GUCY2F: variants seen among roughly 807,000 people sequenced by gnomAD.
The protein encoded by GUCY2F is retinal guanylyl cyclase 2.
Under a neutral mutation model 73.1 loss-of-function variants are expected in GUCY2F, and 61 were observed. The ratio of observed to expected loss-of-function variants is 0.83; its 90% CI spans 0.68 to 1.03. The LOEUF (loss-of-function observed/expected upper bound fraction) is 1.03. Among genes scored for constraint, GUCY2F ranks in the 50% least tolerant of loss-of-function variants. GUCY2F has a pLI of 0.00. For synonymous variants in GUCY2F, 331 were observed against 307.8 expected (o/e 1.08, Z -0.79); for missense variants, 912 against 854.3 (o/e 1.07, Z -0.84).
At position 109,475,428 on chromosome X, in the gene GUCY2F, G is replaced by A. The variant is rs773022970; in HGVS notation, c.509C>T (p.Pro170Leu). 3 of 1,211,014 alleles carry A rather than the reference G, an allele frequency of 2.5e-6. No homozygotes were observed. Among genetic ancestry groups the A allele is most frequent in the Non-Finnish European group, 3.4e-6 (3 of 894,682 alleles). Residue 170 changes from proline (P) to leucine (L), a missense_variant, in exon 2 of 20, where the codon CCT becomes CTT. Physicochemically the swap from Pro to Leu is moderately conservative, Grantham distance 98. Transcript: ENST00000218006. ...AGTTACAAGCACCCGGATGGGAGAA[G>A]GGAGTGTCCGAGAAAAGGTCGGGTA... ...ISYPTFSRTL[P>L]SPIRVLVTVM... is the part of the protein sequence containing the mutation.
intron 15 of GUCY2F, among the ~76,000 whole-genome samples, chrX:109,386,096 C>A (rs920284825): frequency 1.8e-5 from 2 of 111,493 alleles, no homozygotes; most frequent in African/African-American, 6.5e-5. Context: ...GCCACCATGC[C>A]TGGCCTTCTG....
intron 15 of GUCY2F, 50 bp from the exon 16 acceptor site, chrX:109,385,332 T>G (rs370290289): frequency 1.3e-4 from 79 of 619,513 alleles, no homozygotes; most frequent in Non-Finnish European, 1.8e-4. Context: ...ATGCACCCAA[T>G]GCTAATAGAG....
chrX:109,452,876 A>T (rs1321059288), intron 4 of GUCY2F, among the ~76,000 whole-genome samples: 2 of 111,789 alleles, frequency 1.8e-5, no homozygotes, highest in Non-Finnish European at 3.8e-5. Flanking sequence ...TCCACCAGTC[A>T]ATCAAACTGC....
chrX:109,410,134 T>G (rs766143863), intron 8 of GUCY2F, among the ~76,000 whole-genome samples: 16 of 112,125 alleles, frequency 1.4e-4, no homozygotes, highest in Non-Finnish European at 2.8e-4. Context: ...TCTACAGAAC[T>G]GTGGGATAAT....
chrX:109,397,654 C>G (rs1173074257), intron 11 of GUCY2F, among the ~76,000 whole-genome samples: 4 of 111,272 alleles, frequency 3.6e-5, no homozygotes, highest in Non-Finnish European at 7.5e-5. Flanking sequence ...TTCCACAATC[C>G]AATTCAAGAT....
chrX:109,427,347 G>A (rs907980722), intron 8 of GUCY2F, among the ~76,000 whole-genome samples: 1 of 112,106 alleles, frequency 8.9e-6, no homozygotes, highest in African/African-American at 3.2e-5. Flanking sequence ...AGGAGTACAG[G>A]GAATATGCCA....
rs754520281 is a variant in GUCY2F at position 109,388,748 on chromosome X, G to A, written c.2782-85C>T. ...AGCTGTAAGGGTATAATGGAGGCCA[G>A]GTGGTCTTGTTGTAAAGTGAGAAAG... On this transcript the variant is annotated intron_variant, in intron 14 of 19. Coordinates refer to ENST00000218006, the MANE Select transcript of GUCY2F (RefSeq NM_001522.3). The A allele has an allele frequency of 1.1e-4, 64 of 596,171 alleles. No homozygotes were observed. In the African/African-American group the frequency reaches 1.2e-3, roughly 11 times the overall value. The allele number at this position is 596,171 out of a possible 1,213,427, so 49.1% of individuals were successfully genotyped here.
At chrX:109,476,424 T>C (rs1932696764) in intron 1 of GUCY2F, among the ~76,000 whole-genome samples, 1 of 112,234 alleles carries the variant, frequency 8.9e-6, no homozygotes, top group African/African-American at 3.2e-5. Flanking sequence ...ATCATTATTA[T>C]AGTTTTCAAT....
Position 109,441,472 on chromosome X carries a change from C to T in GUCY2F, c.1580G>A (p.Arg527His), listed in dbSNP as rs370550054. Reference protein sequence around the residue: ...NPHFGSKRGSRASVSFQITSE... With the variant: ...NPHFGSKRGSHASVSFQITSE... Reference sequence around the variant, plus strand: ...GGTAATCTGGAAGCTTACACTGGCACGACTTCCTCTCTGTGAAAGGATTAG... The same window carrying T: ...GGTAATCTGGAAGCTTACACTGGCATGACTTCCTCTCTGTGAAAGGATTAG... Residue 527 changes from arginine to histidine, a missense_variant, in exon 7 of 20, where the codon CGT (arginine) becomes CAT (histidine). Transcript: ENST00000218006. The T allele has an allele frequency of 4.5e-5, 53 of 1,172,451 alleles. No homozygotes were observed. Among genetic ancestry groups the T allele is most frequent in the South Asian group, 3.9e-4 (19 of 48,838 alleles).
intron 18 of GUCY2F, 32 bp from the exon 19 acceptor site, chrX:109,376,018 T>G (rs759896875): frequency 1.7e-6 from 2 of 1,168,592 alleles, no homozygotes; most frequent in East Asian, 3.0e-5. Flanking sequence ...AAATAGGTAG[T>G]GAAGAAAGTG....
chrX:109,437,516 C>T (rs924662317), intron 7 of GUCY2F, among the ~76,000 whole-genome samples: 1 of 112,690 alleles, frequency 8.9e-6, no homozygotes, highest in African/African-American at 3.2e-5. Flanking sequence ...CAATTTAACA[C>T]ATAAATTATT....
chrX:109,430,963 TTTTA>T (rs1299960537), intron 7 of GUCY2F, among the ~76,000 whole-genome samples: 2 of 111,609 alleles, frequency 1.8e-5, no homozygotes, highest in Admixed American at 9.5e-5. Flanking sequence ...ATTAAATATT[TTTTA>T]TTTGAGTGCT....
chrX:109,379,849 G>T (rs1449657345), intron 17 of GUCY2F, among the ~76,000 whole-genome samples: 1 of 112,296 alleles, frequency 8.9e-6, no homozygotes, highest in Non-Finnish European at 1.9e-5. Flanking sequence ...GCTTGAAGTG[G>T]GCAATGGGCA....
intron 11 of GUCY2F, 46 bp from the exon 12 acceptor site, chrX:109,395,535 T>A: frequency 9.0e-7 from 1 of 1,115,176 alleles, no homozygotes; most frequent in Non-Finnish European, 1.2e-6. Context: ...ATGGAAAAAA[T>A]GACCAAGATT....
intron 5 of GUCY2F, 65 bp downstream of exon 5, chrX:109,451,958 A>C: frequency 1.6e-6 from 1 of 610,534 alleles, no homozygotes; most frequent in Non-Finnish European, 2.8e-6. Flanking sequence ...ACTTCCTGGA[A>C]ATCAGTATTA....
At chrX:109,464,292 C>A (rs892412877) in intron 3 of GUCY2F, among the ~76,000 whole-genome samples, 1 of 111,870 alleles carries the variant, frequency 8.9e-6, no homozygotes, top group Non-Finnish European at 1.9e-5. Flanking sequence ...CTCCTCACTC[C>A]TTTTTCTTTC....
At position 109,430,167 on chromosome X, in the gene GUCY2F, G is replaced by C. The variant is rs991871220; in HGVS notation, c.1791+140C>G. On this transcript the variant is annotated intron_variant, in intron 8 of 19. Coordinates refer to ENST00000218006, the MANE Select transcript of GUCY2F (RefSeq NM_001522.3). ...ACATACCTTTGCCATTGCATGATAT[G>C]ATCATACCAACCCATTAGCAACCCT... The C allele has an allele frequency of 8.3e-6, 4 of 484,437 alleles. No individual in the cohort carries two copies. In the Admixed American group the frequency reaches 1.3e-4, roughly 15 times the overall value. The allele number at this position is 484,437 out of a possible 1,213,427, so 39.9% of individuals were successfully genotyped here.
chrX:109,401,371 C>T (rs1930835771), intron 10 of GUCY2F, among the ~76,000 whole-genome samples: 2 of 111,837 alleles, frequency 1.8e-5, no homozygotes, highest in Admixed American at 9.4e-5. Context: ...TCTAGAGACC[C>T]GGGTTCAAAA....
intron 8 of GUCY2F, among the ~76,000 whole-genome samples, chrX:109,429,741 A>C (rs1008977823): frequency 8.9e-6 from 1 of 112,247 alleles, no homozygotes; most frequent in African/African-American, 3.2e-5. Context: ...CTTAGGAAGG[A>C]TCATCAGTAT....
Sources: allele counts gnomAD v4.1 joint callset (sites outside exome capture counted in the v4.1 genomes callset), GRCh38; gene constraint gnomAD v4.1.1; transcripts MANE v1.5; gene names NCBI Gene and HGNC (gene_info 2026-07-23, HGNC 2026-07-21).